The following RPS6KC1 variants were observed in gnomAD, a reference collection of about 807,000 sequenced individuals.
RPS6KC1 encodes the protein inactive ribosomal protein S6 kinase delta-1.
Under a neutral mutation model 103.8 loss-of-function variants are expected in RPS6KC1, and 54 were observed. The observed-to-expected ratio is 0.52, with a 90% CI of 0.42 to 0.65. The LOEUF is 0.65. Among genes scored for constraint, RPS6KC1 ranks in the 30% least tolerant of loss-of-function variants. The pLI, the probability that RPS6KC1 is intolerant of heterozygous loss-of-function variation, is 0.00. For missense variants in RPS6KC1, 1,151 were observed against 1,253.8 expected (o/e 0.92, Z 1.24); for synonymous variants, 439 against 438.7 (o/e 1.00, Z -0.01).
chr1:213,622,383 C>T, the RPS6KC1 span, among the ~76,000 whole-genome samples: 1 of 152,056 alleles, frequency 6.6e-6, no homozygotes, highest in South Asian at 2.1e-4. Context: ...GCAGCCTCCT[C>T]TTTTGTGAAT....
chr1:213,511,620 C>T, the RPS6KC1 span, among the ~76,000 whole-genome samples: 1 of 152,220 alleles, frequency 6.6e-6, no homozygotes, highest in African/African-American at 2.4e-5. Flanking sequence ...AGACCTCTGG[C>T]ACCCCTATGT....
the RPS6KC1 span, among the ~76,000 whole-genome samples, chr1:213,788,501 G>A: frequency 8.6e-5 from 13 of 151,974 alleles, no homozygotes; most frequent in South Asian, 2.1e-4. Context: ...AAAACCCACC[G>A]AAAACAAAAC....
chr1:213,247,370 G>C (rs1478865236), intron 12 of RPS6KC1, among the ~76,000 whole-genome samples: 1 of 152,074 alleles, frequency 6.6e-6, no homozygotes. Context: ...ACCTTTCTTT[G>C]CTCTCCTAGC....
chr1:213,216,694 G>T (rs1428283751), intron 8 of RPS6KC1, among the ~76,000 whole-genome samples: 1 of 148,406 alleles, frequency 6.7e-6, no homozygotes, highest in Non-Finnish European at 1.5e-5. Flanking sequence ...GTGCAATCAA[G>T]CTAGAACTCA....
the RPS6KC1 span, among the ~76,000 whole-genome samples, chr1:213,391,047 C>T: frequency 6.6e-6 from 1 of 152,048 alleles, no homozygotes; most frequent in African/African-American, 2.4e-5. Flanking sequence ...TTACCTCAAG[C>T]TTATACTCAC....
chr1:213,279,311 C>G (rs2095118397), downstream of RPS6KC1, among the ~76,000 whole-genome samples: 1 of 152,130 alleles, frequency 6.6e-6, no homozygotes, highest in Non-Finnish European at 1.5e-5. Context: ...ATCTATTTCT[C>G]TCAAGTGTAT....
the RPS6KC1 span, among the ~76,000 whole-genome samples, chr1:213,645,357 A>G: frequency 6.6e-6 from 1 of 152,160 alleles, no homozygotes; most frequent in East Asian, 1.9e-4. Context: ...AAAAGCCATT[A>G]CGGGTGAGAA....
chr1:213,240,962 A>C lies in RPS6KC1; in HGVS notation c.1486A>C (p.Lys496Gln), dbSNP rs367579615. The change falls in exon 11 of 15, where the codon AAG (lysine) becomes CAG (glutamine). Residue 496 changes from lysine to glutamine, a missense_variant. By Grantham distance (53) the Lys-to-Gln change is moderately conservative (BLOSUM62 1). Transcript: ENST00000366960. ...AGATGATGGCCAAGATAGCTCTCCA[A>C]AGTGGCCAGATTCTGGTTCAAGTTC... ...QEDDGQDSSP[K>Q]WPDSGSSSEE... The C allele has an allele frequency of 6.2e-7, 1 of 1,613,890 alleles. No homozygotes were observed. The highest frequency in any genetic ancestry group is 1.1e-5 in the South Asian group (1 of 91,076).
At chr1:213,843,361 T>TGG in the RPS6KC1 span, 5 of 151,996 alleles carry the variant, frequency 3.3e-5, no homozygotes, top group Non-Finnish European at 7.4e-5. Context: ...GAAACAAAAC[T>TGG]CCAACTGAAG....
At chr1:213,738,150 C>T in the RPS6KC1 span, among the ~76,000 whole-genome samples, 4 of 152,072 alleles carry the variant, frequency 2.6e-5, no homozygotes, top group Admixed American at 6.6e-5. Flanking sequence ...GTTATTTATA[C>T]ACACACACAT....
the RPS6KC1 span, among the ~76,000 whole-genome samples, chr1:213,302,522 C>A: frequency 6.6e-6 from 1 of 152,228 alleles, no homozygotes; most frequent in African/African-American, 2.4e-5. Context: ...AAAAAGATAT[C>A]TAGTCCAAAG....
At chr1:213,333,478 C>A in the RPS6KC1 span, among the ~76,000 whole-genome samples, 1 of 152,132 alleles carries the variant, frequency 6.6e-6, no homozygotes, top group Non-Finnish European at 1.5e-5. Flanking sequence ...GAACGATCAA[C>A]CCCAGTGATT....
At chr1:213,431,404 A>G in the RPS6KC1 span, among the ~76,000 whole-genome samples, 3 of 152,278 alleles carry the variant, frequency 2.0e-5, no homozygotes, top group African/African-American at 7.2e-5. Flanking sequence ...CAACAGGCAC[A>G]TCAAGAGGCA....
intron 2 of RPS6KC1, among the ~76,000 whole-genome samples, chr1:213,076,661 C>T (rs896886785): frequency 4.0e-5 from 6 of 149,606 alleles, no homozygotes; most frequent in Admixed American, 6.7e-5. Context: ...AATAATAATT[C>T]AGACTAATGA....
the RPS6KC1 span, among the ~76,000 whole-genome samples, chr1:213,458,355 A>G: frequency 7.0e-6 from 1 of 142,608 alleles, no homozygotes; most frequent in African/African-American, 2.7e-5. Flanking sequence ...GCTGCCTAGT[A>G]TTCCATAGTG....
the RPS6KC1 span, among the ~76,000 whole-genome samples, chr1:213,846,263 G>A: frequency 6.6e-6 from 1 of 151,708 alleles, no homozygotes; most frequent in South Asian, 2.1e-4. Flanking sequence ...TCACACCACT[G>A]CACTCCAGCC....
intron 8 of RPS6KC1, among the ~76,000 whole-genome samples, chr1:213,210,030 TGGTTTTGGTG>T (rs1052515893): frequency 6.6e-6 from 1 of 152,100 alleles, no homozygotes; most frequent in Non-Finnish European, 1.5e-5. Flanking sequence ...GTCATTATAT[TGGTTTTGGTG>T]GGTTTTGGTT....
intron 1 of RPS6KC1, 61 bp downstream of exon 1, chr1:213,051,570 G>A (rs879160826): frequency 1.6e-6 from 2 of 1,227,510 alleles, no homozygotes; most frequent in Non-Finnish European, 1.2e-6. Flanking sequence ...CTGGGGTGGG[G>A]ACCCTGATGT....
the RPS6KC1 span, among the ~76,000 whole-genome samples, chr1:213,602,116 CTTTCTCTT>C: frequency 2.1e-4 from 7 of 33,062 alleles, no homozygotes; most frequent in African/African-American, 8.1e-4. Flanking sequence ...TTCTTTCTTT[CTTTCTCTT>C]TCTTTCTTTC....
Sources: gnomAD v4.1 joint callset for allele counts (sites outside exome capture counted in the v4.1 genomes callset) on GRCh38, gnomAD v4.1.1 for gene constraint, MANE v1.5 for transcripts, NCBI Gene and HGNC (gene_info 2026-07-23, HGNC 2026-07-21) for gene names.